Variants in KLF17 observed in about 807,000 individuals in gnomAD.
KLF17 encodes KLF transcription factor 17.
A neutral mutation model predicts 34.2 loss-of-function variants in KLF17; 31 were observed. That is an observed-to-expected ratio of 0.91 (90% CI 0.68 to 1.22). The LOEUF (loss-of-function observed/expected upper bound fraction) is 1.22, where lower values mean the gene tolerates loss of function less well. Ranked by LOEUF, KLF17 falls within the 50% of genes most tolerant of loss-of-function variation. KLF17 has a pLI of 0.00. For missense variants in KLF17, 478 were observed against 505.2 expected, an observed-to-expected ratio of 0.95 and a Z score of 0.52; for synonymous variants, 179 against 186.7, an observed-to-expected ratio of 0.96 and a Z score of 0.34.
the KLF17 span, chr1:44,106,343 C>A: frequency 1.3e-5 from 2 of 152,514 alleles, no homozygotes; most frequent in African/African-American, 4.8e-5. Flanking sequence ...ATATCGCTAT[C>A]TTCATTTCTG....
chr1:44,119,668 C>T (rs977445639), intron 1 of KLF17, among the ~76,000 whole-genome samples: 1 of 152,044 alleles, frequency 6.6e-6, no homozygotes, highest in Non-Finnish European at 1.5e-5. Flanking sequence ...CTAAAGAACC[C>T]GTCAGGTGAA....
chr1:44,047,981 A>T, the KLF17 span: 1 of 150,286 alleles, frequency 6.7e-6, no homozygotes, highest in Non-Finnish European at 1.5e-5. Context: ...GAGTGGGCCC[A>T]TAAGAGAACA....
At position 44,129,965 on chromosome 1, in the gene KLF17, G is replaced by T. The variant is rs1309567263; in HGVS notation, c.694G>T (p.Val232Phe). ...CCCAGCTGAGTCCCAGTCATTGCTG[G>T]TTTTAGGATCTCAGGACTCTCTTGT... ...MPPAESQSLL[V>F]LGSQDSLVSQ... is the part of the protein sequence containing the mutation. Residue 232 changes from valine to phenylalanine, a missense_variant, in exon 2 of 4, where the codon GTT becomes TTT. Coordinates refer to ENST00000372299, the MANE Select transcript of KLF17 (RefSeq NM_173484.4). 16 of 1,614,180 alleles carry T rather than the reference G, an allele frequency of 9.9e-6. No individual in the cohort carries two copies. Among genetic ancestry groups the T allele is most frequent in the Non-Finnish European group, 1.4e-5 (16 of 1,180,040 alleles).
At chr1:44,087,769 T>TACAC in the KLF17 span, among the ~76,000 whole-genome samples, 32 of 52,264 alleles carry the variant, frequency 6.1e-4, no homozygotes, top group South Asian at 1.1e-3. Context: ...TATATATATA[T>TACAC]ACACACACAC....
the KLF17 span, among the ~76,000 whole-genome samples, chr1:44,093,584 G>A: frequency 1.3e-5 from 2 of 152,046 alleles, no homozygotes; most frequent in Non-Finnish European, 2.9e-5. Context: ...TAGTAGAGAC[G>A]GGATTTCACC....
At chr1:44,117,451 TTTTATTTTATTTTA>T (rs984249843), upstream of KLF17, 9 of 146,086 alleles carry the variant, frequency 6.2e-5, no homozygotes, top group African/African-American at 1.8e-4. Flanking sequence ...TTTTATTTTA[TTTTATTTTATTTTA>T]TTTATTTTAT....
intron 1 of KLF17, among the ~76,000 whole-genome samples, chr1:44,127,160 G>A (rs191195744): frequency 6.6e-4 from 100 of 151,116 alleles, no homozygotes; most frequent in Non-Finnish European, 1.1e-3. Flanking sequence ...CCTTCCACCT[G>A]GGCCTCCCAA....
chr1:44,130,814 T>A, intron 3 of KLF17, 58 bp downstream of exon 3: 4 of 1,559,308 alleles, frequency 2.6e-6, no homozygotes, highest in Non-Finnish European at 3.5e-6. Flanking sequence ...TTTATTTTTT[T>A]GAGACGGAGT....
the KLF17 span, among the ~76,000 whole-genome samples, chr1:44,099,478 C>G: frequency 6.6e-6 from 1 of 151,338 alleles, no homozygotes; most frequent in African/African-American, 2.4e-5. Flanking sequence ...ACAAAATAGA[C>G]AGGAAATAAA....
chr1:44,117,130 G>A (rs2087886993), upstream of KLF17: 1 of 152,024 alleles, frequency 6.6e-6, no homozygotes, highest in South Asian at 2.1e-4. Flanking sequence ...GCCAAGGTTG[G>A]AGTGCACTGG....
chr1:44,127,063 GTTT>G (rs71587040), intron 1 of KLF17, among the ~76,000 whole-genome samples: 3 of 126,912 alleles, frequency 2.4e-5, no homozygotes, highest in Non-Finnish European at 1.7e-5. Context: ...TGCCTGGCTT[GTTT>G]TTTTTTTTTT....
At chr1:44,094,500 C>T in the KLF17 span, among the ~76,000 whole-genome samples, 1 of 152,034 alleles carries the variant, frequency 6.6e-6, no homozygotes, top group African/African-American at 2.4e-5. Flanking sequence ...GTTTTTAATC[C>T]ATTTTGATTT....
the KLF17 span, among the ~76,000 whole-genome samples, chr1:44,085,730 C>T: frequency 2.8e-5 from 4 of 141,128 alleles, no homozygotes; most frequent in African/African-American, 7.9e-5. Context: ...CTTGAGCCCA[C>T]GAGTTCGAGA....
At chr1:44,093,734 A>T in the KLF17 span, among the ~76,000 whole-genome samples, 4 of 152,318 alleles carry the variant, frequency 2.6e-5, no homozygotes, top group South Asian at 8.3e-4. Flanking sequence ...GTTCAACGTC[A>T]GTGCTTCTGT....
intron 1 of KLF17, among the ~76,000 whole-genome samples, chr1:44,127,658 CT>C (rs879618450): frequency 9.5e-5 from 4 of 42,100 alleles, no homozygotes; most frequent in African/African-American, 3.0e-4. Flanking sequence ...TTCTTTCTTT[CT>C]TTCTTTCTTT....
chr1:44,066,337 C>G, the KLF17 span, among the ~76,000 whole-genome samples: 14 of 144,268 alleles, frequency 9.7e-5, no homozygotes, highest in Admixed American at 2.0e-4. Flanking sequence ...CAAACAAAAA[C>G]CCTCCCCCCA....
rs778877813 is a variant in KLF17 at position 44,129,625 on chromosome 1, TC to T, written c.359del (p.Pro120LeufsTer5). The T allele has an allele frequency of 6.2e-7, 1 of 1,613,942 alleles. No homozygotes were observed. The stretch of plus-strand genomic sequence containing the variant: ...GGATGATTTACTGTCAGAGAATGTC[TC>T]CCCCTCAGCAAGAGATGACGATTTT... ...SRMIYCQRMS[P>X]PQQEMTIFSG... On this transcript the variant is annotated frameshift_variant, in exon 2 of 4. Coordinates refer to ENST00000372299, the MANE Select transcript of KLF17 (RefSeq NM_173484.4). LOFTEE classifies it high-confidence loss of function.
chr1:44,049,008 C>A, the KLF17 span, among the ~76,000 whole-genome samples: 1 of 152,216 alleles, frequency 6.6e-6, no homozygotes, highest in Non-Finnish European at 1.5e-5. Flanking sequence ...ATGCCACAGA[C>A]TGGGTGGCTT....
At chr1:44,104,776 A>T in the KLF17 span, 2 of 248,510 alleles carry the variant, frequency 8.0e-6, no homozygotes, top group Non-Finnish European at 7.9e-6. Context: ...ATATATTGTG[A>T]TATATTTATA....
Sources: allele counts gnomAD v4.1 joint callset (sites outside exome capture counted in the v4.1 genomes callset), GRCh38; gene constraint gnomAD v4.1.1; transcripts MANE v1.5; gene names NCBI Gene and HGNC (gene_info 2026-07-23, HGNC 2026-07-21).